IKZF1: variants seen among roughly 807,000 people sequenced by gnomAD.
IKZF1 encodes IKAROS family zinc finger 1, also known as DNA-binding protein Ikaros.
A neutral mutation model predicts 51.7 loss-of-function variants in IKZF1; 10 were observed. The observed-to-expected ratio is 0.19, with a 90% CI of 0.12 to 0.33. IKZF1 has a LOEUF of 0.33. Among genes scored for constraint, IKZF1 ranks in the 10% least tolerant of loss-of-function variants. The probability of loss-of-function intolerance (pLI) is 1.00; values close to 1 mark genes in which losing one functional copy is unlikely to be tolerated. For synonymous variants in IKZF1, 280 were observed against 282.3 expected (o/e 0.99, Z 0.08); for missense variants, 484 against 707.5 (o/e 0.68, Z 3.58).
intron 3 of IKZF1, among the ~76,000 whole-genome samples, chr7:50,332,995 C>T (rs920483763): frequency 9.7e-4 from 147 of 151,520 alleles, no homozygotes; most frequent in African/African-American, 3.3e-3. Context: ...GGCTCCCTGG[C>T]AGCACTGAGA....
intron 3 of IKZF1, among the ~76,000 whole-genome samples, chr7:50,373,421 A>G (rs1809300216): frequency 1.3e-5 from 2 of 152,166 alleles, no homozygotes; most frequent in Admixed American, 1.3e-4. Context: ...AGCAAGAGTC[A>G]ATTCTCTCTA....
Position 50,400,593 on chromosome 7 carries a change from T to G in IKZF1, c.1526T>G (p.Ile509Arg). The G allele has an allele frequency of 6.2e-7, 1 of 1,612,436 alleles. No homozygotes were observed. The highest frequency in any genetic ancestry group is 8.5e-7 in the Non-Finnish European group (1 of 1,179,870). The change falls in exon 8 of 8, where the codon ATA (isoleucine) becomes AGA (arginine). Residue 509 changes from isoleucine to arginine, a missense_variant. This residue lies in a region of IKZF1 where 42 missense variants were observed against 84.4 expected (regional missense o/e 0.50). Transcript: ENST00000331340. This position sits in a 1 kb window ranked among gnomAD's most constrained non-coding sequence, Gnocchi z 5.4. Reference sequence around the variant, plus strand: ...GACCGGTACGAGTTCTCGTCGCACATAACGCGAGGGGAGCACCGCTTCCAC... The same window carrying G: ...GACCGGTACGAGTTCTCGTCGCACAGAACGCGAGGGGAGCACCGCTTCCAC... Reference protein sequence around the residue: ...SQDRYEFSSHITRGEHRFHMS With the variant: ...SQDRYEFSSHRTRGEHRFHMS
intron 3 of IKZF1, among the ~76,000 whole-genome samples, chr7:50,355,861 G>C (rs982664634): frequency 6.6e-6 from 1 of 152,238 alleles, no homozygotes; most frequent in African/African-American, 2.4e-5. Flanking sequence ...AGCAGAGCAG[G>C]CTGGAGGCCT....
chr7:50,376,911 G>T lies in IKZF1; in HGVS notation c.421+118G>T. ...ATGTTTCTAATTGACTGGTAGCTCA[G>T]TTGTTGCAAGCGATTGGTTCCAAGT... On this transcript the variant is annotated intron_variant, in intron 4 of 7. Transcript: ENST00000331340. The surrounding 1 kb of genome is among the most constrained non-coding windows in gnomAD (Gnocchi z 4.5). The T allele has an allele frequency of 6.8e-7, 1 of 1,474,924 alleles. No homozygotes were observed. Among genetic ancestry groups the T allele is most frequent in the South Asian group, 1.4e-5 (1 of 70,316 alleles). 91.4% of individuals were successfully genotyped at this position (1,474,924 alleles called of 1,614,324 possible).
chr7:50,392,680 G>A (rs1815488077), intron 7 of IKZF1, among the ~76,000 whole-genome samples: 1 of 152,216 alleles, frequency 6.6e-6, no homozygotes, highest in Non-Finnish European at 1.5e-5. Context: ...TTGAGAAAAC[G>A]TTTAGAATCC....
At chr7:50,368,196 C>T in intron 3 of IKZF1, 1 of 703,312 alleles carries the variant, frequency 1.4e-6, no homozygotes, top group Non-Finnish European at 2.6e-6. Context: ...CGTTAGACAC[C>T]TACCATATCA....
chr7:50,363,784 G>A (rs542980928), intron 3 of IKZF1, among the ~76,000 whole-genome samples: 10 of 152,262 alleles, frequency 6.6e-5, no homozygotes, highest in South Asian at 2.1e-4. Context: ...GATCTAACTC[G>A]TGCTTTCCAG....
At chr7:50,329,997 G>A (rs1003322271) in intron 3 of IKZF1, among the ~76,000 whole-genome samples, 2 of 152,200 alleles carry the variant, frequency 1.3e-5, no homozygotes, top group African/African-American at 4.8e-5. Flanking sequence ...CCTTACGGAC[G>A]TCATATTGTT....
At chr7:50,305,132 A>G (rs1788479674) in intron 1 of IKZF1, among the ~76,000 whole-genome samples, 1 of 152,198 alleles carries the variant, frequency 6.6e-6, no homozygotes, top group African/African-American at 2.4e-5. Flanking sequence ...CCAGGCCGAC[A>G]TGGGACACTT....
At chr7:50,374,515 T>C (rs1483936708) in intron 3 of IKZF1, among the ~76,000 whole-genome samples, 1 of 152,214 alleles carries the variant, frequency 6.6e-6, no homozygotes, top group African/African-American at 2.4e-5. Flanking sequence ...CTTCTTCAAC[T>C]GTAAAATAGG....
At chr7:50,370,686 C>T (rs959131550) in intron 3 of IKZF1, among the ~76,000 whole-genome samples, 9 of 152,174 alleles carry the variant, frequency 5.9e-5, no homozygotes, top group Non-Finnish European at 1.0e-4. Context: ...TAAAATTGGG[C>T]TCTTGTCCAT....
At chr7:50,320,261 A>T (rs959054637) in intron 2 of IKZF1, among the ~76,000 whole-genome samples, 1 of 152,170 alleles carries the variant, frequency 6.6e-6, no homozygotes, top group Non-Finnish European at 1.5e-5. Flanking sequence ...CTTTTTGTAT[A>T]TCATTGAATA....
At chr7:50,327,546 T>A in intron 2 of IKZF1, 92 bp from the exon 3 acceptor site, 3 of 1,449,476 alleles carry the variant, frequency 2.1e-6, no homozygotes, top group Non-Finnish European at 2.8e-6. Context: ...AGTACCTGCC[T>A]CCTCATGCCA....
intron 3 of IKZF1, among the ~76,000 whole-genome samples, chr7:50,358,033 C>A (rs777988572): frequency 5.3e-5 from 8 of 152,140 alleles, no homozygotes; most frequent in Non-Finnish European, 1.2e-4. Context: ...GGTTGCAAGC[C>A]CCTGGAGTCA....
At position 50,401,995 on chromosome 7, in the gene IKZF1, G is replaced by A; in HGVS notation, c.*1368G>A. 1 of 229,088 alleles carries A rather than the reference G, an allele frequency of 4.4e-6. No individual in the cohort carries two copies. Among genetic ancestry groups the A allele is most frequent in the Non-Finnish European group, 8.7e-6 (1 of 115,350 alleles). 14.2% of individuals were successfully genotyped at this position (229,088 alleles called of 1,614,324 possible). On this transcript the variant is annotated 3_prime_UTR_variant, in exon 8 of 8. Transcript: ENST00000331340. ...AGGGACTGAGCCAGACCTTCGGAGAGTAATGCCACCAGATCCCCTAGGAAA... is the reference window on the plus strand; with the variant it reads ...AGGGACTGAGCCAGACCTTCGGAGAATAATGCCACCAGATCCCCTAGGAAA...
intron 7 of IKZF1, among the ~76,000 whole-genome samples, chr7:50,392,115 G>A (rs750655644): frequency 6.6e-6 from 1 of 152,202 alleles, no homozygotes; most frequent in Non-Finnish European, 1.5e-5. Context: ...TCTGCCTGTG[G>A]ACATCGCTCT....
intron 3 of IKZF1, among the ~76,000 whole-genome samples, chr7:50,360,088 CCCT>C (rs1347830763): frequency 6.6e-6 from 1 of 152,110 alleles, no homozygotes; most frequent in Non-Finnish European, 1.5e-5. Context: ...TTCTTCCCAT[CCCT>C]CCTCCTCTGT....
At chr7:50,396,358 A>G (rs1056655760) in intron 7 of IKZF1, among the ~76,000 whole-genome samples, 1 of 152,102 alleles carries the variant, frequency 6.6e-6, no homozygotes, top group Non-Finnish European at 1.5e-5. Flanking sequence ...TAATCCATGC[A>G]TTAATTTTAT....
At chr7:50,363,236 C>A (rs953575130) in intron 3 of IKZF1, among the ~76,000 whole-genome samples, 2 of 152,086 alleles carry the variant, frequency 1.3e-5, no homozygotes, top group African/African-American at 4.8e-5. Context: ...GGTGGAGCCC[C>A]CAGACCAGGG....
Sources: gnomAD v4.1 joint callset for allele counts (sites outside exome capture counted in the v4.1 genomes callset) on GRCh38, gnomAD v4.1.1 for gene constraint, gnomAD v4.1.1 regional missense constraint, Gnocchi (gnomAD v3.1) non-coding constraint, MANE v1.5 for transcripts, NCBI Gene and HGNC (gene_info 2026-07-23, HGNC 2026-07-21) for gene names.